Variants in MARCHF10 observed in about 807,000 individuals in gnomAD.
MARCHF10 encodes the protein membrane associated ring-CH-type finger 10.
Under a neutral mutation model 76.2 loss-of-function variants are expected in MARCHF10, and 64 were observed. The observed-to-expected ratio is 0.84, with a 90% CI of 0.69 to 1.03. MARCHF10 has a LOEUF of 1.03. Ranked by LOEUF, MARCHF10 falls within the 50% of genes least tolerant of loss-of-function variation. The probability of loss-of-function intolerance (pLI) is 0.00; values close to 1 mark genes in which losing one functional copy is unlikely to be tolerated. For synonymous variants in MARCHF10, 340 were observed against 357.5 expected, an observed-to-expected ratio of 0.95 and a Z score of 0.55; for missense variants, 875 against 958.0, an observed-to-expected ratio of 0.91 and a Z score of 1.14.
At chr17:62,807,744 C>T (rs1191283603) in intron 1 of MARCHF10, among the ~76,000 whole-genome samples, 1 of 152,114 alleles carries the variant, frequency 6.6e-6, no homozygotes, top group African/African-American at 2.4e-5. Context: ...ACCTGGGAGA[C>T]AGAGCGAGAC....
chr17:62,714,886 C>T (rs2090115482), intron 8 of MARCHF10, among the ~76,000 whole-genome samples: 1 of 152,156 alleles, frequency 6.6e-6, no homozygotes, highest in Non-Finnish European at 1.5e-5. Context: ...GCTGGGATTT[C>T]AGGTGTGTGC....
chr17:62,793,786 C>A (rs1598059761), intron 2 of MARCHF10, among the ~76,000 whole-genome samples: 2 of 150,322 alleles, frequency 1.3e-5, no homozygotes, highest in African/African-American at 4.9e-5. Flanking sequence ...ATCAGCACCA[C>A]AACCATTACC....
intron 6 of MARCHF10, among the ~76,000 whole-genome samples, chr17:62,732,147 A>G (rs1356791378): frequency 3.3e-5 from 5 of 152,224 alleles, no homozygotes; most frequent in Non-Finnish European, 5.9e-5. Flanking sequence ...ACACAAACAA[A>G]AGGAGAGAGA....
chr17:62,718,600 A>C (rs2090333982), intron 8 of MARCHF10, among the ~76,000 whole-genome samples: 1 of 152,200 alleles, frequency 6.6e-6, no homozygotes, highest in African/African-American at 2.4e-5. Flanking sequence ...TCCGTTGCCC[A>C]AAATGATCTA....
Position 62,715,228 on chromosome 17 carries a change from C to T in MARCHF10, c.2215-3884G>A, listed in dbSNP as rs190332234. ...GTGGTAGCTGCTAAGCTGAATCTGG[C>T]CTGTGGATGTGCTCTGGTTGGATGG... On this transcript the variant is annotated intron_variant, in intron 8 of 10. Transcript: ENST00000311269. 5.0e-3 allele frequency among the ~76,000 whole-genome samples: 769 copies of T among 152,322 alleles called. 9 individuals carry two copies. The highest frequency in any genetic ancestry group is 0.018 in the African/African-American group (736 of 41,570).
intron 3 of MARCHF10, 21 bp from the exon 4 acceptor site, chr17:62,760,027 C>T (rs1350147966): frequency 6.2e-7 from 1 of 1,607,758 alleles, no homozygotes; most frequent in Non-Finnish European, 8.5e-7. Context: ...TGAAATACGT[C>T]TGAGTCTCAG....
chr17:62,771,983 T>C (rs2092457337), intron 3 of MARCHF10, among the ~76,000 whole-genome samples: 4 of 152,156 alleles, frequency 2.6e-5, no homozygotes, highest in African/African-American at 4.8e-5. Flanking sequence ...AATGAGATGG[T>C]GGCAGACAAG....
At chr17:62,775,153 T>G (rs1287483344) in intron 3 of MARCHF10, among the ~76,000 whole-genome samples, 4 of 142,612 alleles carry the variant, frequency 2.8e-5, no homozygotes, top group African/African-American at 7.7e-5. Flanking sequence ...TCAGATGAAG[T>G]CTCACTCTCT....
intron 4 of MARCHF10, chr17:62,746,949 G>A (rs1046009557): frequency 6.5e-7 from 1 of 1,536,062 alleles, no homozygotes; most frequent in South Asian, 1.2e-5. Context: ...TCTGTTTCCG[G>A]TTTATTCCAC....
chr17:62,803,019 T>C (rs773975009), intron 1 of MARCHF10, among the ~76,000 whole-genome samples: 1 of 152,258 alleles, frequency 6.6e-6, no homozygotes, highest in Middle Eastern at 3.4e-3. Flanking sequence ...TGTAGTGGTG[T>C]GATCATAACT....
At chr17:62,788,040 TACC>T (rs1229677850) in intron 3 of MARCHF10, among the ~76,000 whole-genome samples, 5 of 152,330 alleles carry the variant, frequency 3.3e-5, no homozygotes, top group East Asian at 1.9e-4. Context: ...ATACAGTTAT[TACC>T]ACATTTTACT....
intron 3 of MARCHF10, among the ~76,000 whole-genome samples, chr17:62,763,258 C>A (rs1206893271): frequency 6.6e-6 from 1 of 152,176 alleles, no homozygotes; most frequent in African/African-American, 2.4e-5. Flanking sequence ...AAACTAAAGT[C>A]AAAGTCCCCA....
intron 3 of MARCHF10, among the ~76,000 whole-genome samples, chr17:62,763,493 A>G (rs1244696446): frequency 6.6e-6 from 1 of 152,256 alleles, no homozygotes; most frequent in African/African-American, 2.4e-5. Context: ...AACATTAGAG[A>G]TAATCAAACA....
At chr17:62,801,813 GGATTT>G (rs2093079833) in intron 1 of MARCHF10, 61 bp from the exon 2 acceptor site, 1 of 1,205,778 alleles carries the variant, frequency 8.3e-7, no homozygotes, top group Non-Finnish European at 1.2e-6. Context: ...TGCCGTATTT[GGATTT>G]ATTTTCATCT....
intron 8 of MARCHF10, among the ~76,000 whole-genome samples, chr17:62,716,555 G>A (rs1257823872): frequency 6.6e-6 from 1 of 152,022 alleles, no homozygotes; most frequent in Admixed American, 6.6e-5. Context: ...TCCCAGAGCT[G>A]GGGTTAGACC....
At position 62,701,361 on chromosome 17, in the gene MARCHF10, T is replaced by C. The variant is rs909620515; in HGVS notation, c.*342A>G. On this transcript the variant is annotated 3_prime_UTR_variant, in exon 11 of 11. Transcript: ENST00000311269. ...TGAATGAATACATGGCTCGAGTCCA[T>C]TCAGGGTGGAGTGAGGCCTGGCAGG... 64 of 378,178 alleles carry C rather than the reference T, an allele frequency of 1.7e-4. No individual in the cohort carries two copies. Among genetic ancestry groups the C allele is most frequent in the African/African-American group, 1.1e-3 (56 of 49,282 alleles). 23.4% of individuals were successfully genotyped at this position (378,178 alleles called of 1,614,324 possible).
chr17:62,726,319 A>G (rs921600733), intron 6 of MARCHF10, among the ~76,000 whole-genome samples: 1 of 152,248 alleles, frequency 6.6e-6, no homozygotes, highest in African/African-American at 2.4e-5. Flanking sequence ...CTAAAATCAA[A>G]AGAGGAAGAA....
At chr17:62,796,476 C>T (rs548605385) in intron 2 of MARCHF10, among the ~76,000 whole-genome samples, 18 of 152,264 alleles carry the variant, frequency 1.2e-4, no homozygotes, top group African/African-American at 4.1e-4. Context: ...TTTTTGCAGA[C>T]CTTGTGGTAA....
intron 4 of MARCHF10, among the ~76,000 whole-genome samples, chr17:62,758,849 G>T (rs2092118143): frequency 6.6e-6 from 1 of 152,216 alleles, no homozygotes. Flanking sequence ...ACTCAACTTA[G>T]ACCTTTCTGC....
Sources: gnomAD v4.1 joint callset for allele counts (sites outside exome capture counted in the v4.1 genomes callset) on GRCh38, gnomAD v4.1.1 for gene constraint, MANE v1.5 for transcripts, NCBI Gene and HGNC (gene_info 2026-07-23, HGNC 2026-07-21) for gene names.